Variants in MOB1A observed in about 807,000 individuals in gnomAD.
MOB1A encodes the protein MOB kinase activator 1A.
Under a neutral mutation model 25.1 loss-of-function variants are expected in MOB1A, and 10 were observed. The ratio of observed to expected loss-of-function variants is 0.40; its 90% CI spans 0.25 to 0.68. The LOEUF is 0.68. MOB1A is among the 30% of genes least tolerant of loss of function. The probability of loss-of-function intolerance (pLI) is 0.40; values close to 1 mark genes in which losing one functional copy is unlikely to be tolerated. For synonymous variants in MOB1A, 81 were observed against 79.5 expected, an observed-to-expected ratio of 1.02 and a Z score of -0.10; for missense variants, 177 against 256.3, an observed-to-expected ratio of 0.69 and a Z score of 2.11.
chr2:74,156,000 G>A lies in MOB1A; in HGVS notation c.*568C>T, dbSNP rs757700738. On this transcript the variant is annotated 3_prime_UTR_variant, in exon 6 of 6. Coordinates refer to ENST00000396049, the MANE Select transcript of MOB1A (RefSeq NM_018221.5). ...AATCATGAATTTTGAAAAAATAGAC[G>A]TATCTTATCTATAAAAACACTACCA... 3 of 152,472 alleles carry A rather than the reference G, an allele frequency of 2.0e-5. No individual in the cohort carries two copies. The highest frequency in any genetic ancestry group is 7.2e-5 in the African/African-American group (3 of 41,426). 9.4% of individuals were successfully genotyped at this position (152,472 alleles called of 1,614,324 possible).
Position 74,165,230 on chromosome 2 carries a change from GAA to G in MOB1A, c.395_396del (p.Phe132SerfsTer3). On this transcript the variant is annotated frameshift_variant, in exon 4 of 6. Coordinates refer to ENST00000396049, the MANE Select transcript of MOB1A (RefSeq NM_018221.5). LOFTEE classifies it high-confidence loss of function. Reference protein sequence around the residue: ...VQDQLDDETLFPSKIGVPFPK... With the variant: ...VQDQLDDETLXPSKIGVPFPK... ...AATGTTAACTCACCAATCTTAGAAG[GAA>G]AAAGAGTTTCATCATCAAGCTGATC... 6.5e-7 allele frequency: 1 copy of G among 1,541,334 alleles called. No individual in the cohort carries two copies. Among genetic ancestry groups the G allele is most frequent in the Non-Finnish European group, 8.8e-7 (1 of 1,141,692 alleles).
At chr2:74,177,210 G>A (rs966955875) in intron 1 of MOB1A, among the ~76,000 whole-genome samples, 1 of 152,096 alleles carries the variant, frequency 6.6e-6, no homozygotes, top group Non-Finnish European at 1.5e-5. Context: ...CTACTCGGGA[G>A]TGTGAGGCAG....
chr2:74,156,756 A>C, intron 5 of MOB1A, 111 bp from the exon 6 acceptor site: 2 of 724,282 alleles, frequency 2.8e-6, no homozygotes, highest in South Asian at 3.4e-5. Context: ...CAAAAGAATG[A>C]TGAAATAACC....
At chr2:74,156,901 CA>C (rs759264986) in intron 5 of MOB1A, among the ~76,000 whole-genome samples, 10 of 151,906 alleles carry the variant, frequency 6.6e-5, no homozygotes, top group Non-Finnish European at 1.5e-4. Context: ...TCCCAAATCC[CA>C]AAGTGCTAGG....
At chr2:74,176,334 A>G (rs1334583330) in intron 1 of MOB1A, among the ~76,000 whole-genome samples, 5 of 150,504 alleles carry the variant, frequency 3.3e-5, no homozygotes, top group East Asian at 1.9e-4. Flanking sequence ...ACTAAAAATC[A>G]TATCTGAAAA....
At chr2:74,178,568 G>T in intron 1 of MOB1A, 93 bp downstream of exon 1, 1 of 930,216 alleles carries the variant, frequency 1.1e-6, no homozygotes, top group South Asian at 3.4e-5. Context: ...CCCCCGCCTC[G>T]GCCCCCAGGC....
chr2:74,169,001 CAG>C lies in MOB1A; in HGVS notation c.182-1896_182-1895del, dbSNP rs202117079. ...CTCAAGAGGGCACAATGGTGTTTTC[CAG>C]AGGCTCCATGATGTGTAATATCACA... On this transcript the variant is annotated intron_variant, in intron 2 of 5. Transcript: ENST00000396049. 6.2e-3 allele frequency among the ~76,000 whole-genome samples: 941 copies of C among 152,258 alleles called. 9 individuals carry two copies. Among genetic ancestry groups the C allele is most frequent in the African/African-American group, 0.022 (894 of 41,550 alleles).
chr2:74,160,674 T>C (rs1481709136), intron 4 of MOB1A, among the ~76,000 whole-genome samples: 1 of 151,518 alleles, frequency 6.6e-6, no homozygotes, highest in Non-Finnish European at 1.5e-5. Flanking sequence ...CACTCCAGCC[T>C]GGGTGACAGA....
chr2:74,159,882 T>C (rs1167133390), intron 4 of MOB1A, among the ~76,000 whole-genome samples: 1 of 136,104 alleles, frequency 7.3e-6, no homozygotes, highest in Admixed American at 8.1e-5. Flanking sequence ...AGTAGCATGA[T>C]CATGGTTCAT....
chr2:74,154,663 T>C lies in MOB1A; in HGVS notation c.*1905A>G, dbSNP rs1692753419. ...CTAGCTGAGAAACTAGTTTCATCAC[T>C]TGTGGACTTAAAAAAGTAAAGCTAA... On this transcript the variant is annotated 3_prime_UTR_variant, in exon 6 of 6. Transcript: ENST00000396049. 1 of 152,220 alleles carries C rather than the reference T, an allele frequency of 6.6e-6. No homozygotes were observed. The highest frequency in any genetic ancestry group is 6.5e-5 in the Admixed American group (1 of 15,276). The allele number at this position is 152,220 out of a possible 1,614,324, so 9.4% of individuals were successfully genotyped here. A position where few individuals can be genotyped will look rare whatever the true frequency, so the allele number is the denominator to read the frequency against.
chr2:74,173,376 G>GTT (rs35382378), intron 1 of MOB1A, among the ~76,000 whole-genome samples: 5,964 of 93,162 alleles, frequency 0.064, 329 homozygotes, highest in African/African-American at 0.098. Context: ...CTCAATTTCG[G>GTT]TTTTTTTTTT....
At chr2:74,162,598 G>A (rs537541292) in intron 4 of MOB1A, among the ~76,000 whole-genome samples, 2 of 152,176 alleles carry the variant, frequency 1.3e-5, no homozygotes, top group East Asian at 3.9e-4. Flanking sequence ...TTTCCAAGCT[G>A]AATTTAACAG....
At chr2:74,174,743 A>C (rs1355447433) in intron 1 of MOB1A, among the ~76,000 whole-genome samples, 2 of 152,218 alleles carry the variant, frequency 1.3e-5, no homozygotes, top group African/African-American at 4.8e-5. Context: ...TAACCAAATA[A>C]AAGTACTTGT....
chr2:74,160,064 G>A (rs1442920280), intron 4 of MOB1A, among the ~76,000 whole-genome samples: 1 of 152,150 alleles, frequency 6.6e-6, no homozygotes. Flanking sequence ...TGATCTGCCT[G>A]CCTTGGCTTC....
Position 74,169,011 on chromosome 2 carries a change from A to T in MOB1A, c.182-1904T>A, listed in dbSNP as rs999862894. Among the ~76,000 whole-genome samples the T allele has an allele frequency of 1.1e-4, 16 of 152,360 alleles. 1 individual carries two copies. Among genetic ancestry groups the T allele is most frequent in the African/African-American group, 3.6e-4 (15 of 41,592 alleles). On this transcript the variant is annotated intron_variant, in intron 2 of 5. Coordinates refer to ENST00000396049, the MANE Select transcript of MOB1A (RefSeq NM_018221.5). ...CACAATGGTGTTTTCCAGAGGCTCC[A>T]TGATGTGTAATATCACAACAGACTG...
chr2:74,173,948 CAA>C (rs773447145), intron 1 of MOB1A, among the ~76,000 whole-genome samples: 6 of 56,216 alleles, frequency 1.1e-4, no homozygotes, highest in African/African-American at 3.1e-4. Flanking sequence ...AACTCCGTCT[CAA>C]AAAAAAAAAA....
At chr2:74,157,179 G>A (rs1345247371) in intron 5 of MOB1A, among the ~76,000 whole-genome samples, 8 of 150,396 alleles carry the variant, frequency 5.3e-5, no homozygotes, top group Non-Finnish European at 1.5e-5. Context: ...GAAAGGGCTG[G>A]CTGAAGGTTG....
chr2:74,158,544 C>A (rs1202355832), intron 5 of MOB1A, among the ~76,000 whole-genome samples: 3 of 152,004 alleles, frequency 2.0e-5, no homozygotes, highest in Non-Finnish European at 4.4e-5. Context: ...AATTCCAGCA[C>A]TTTGGGAGGC....
In MOB1A at chr2:74,152,776, TACAC is replaced by T. The variant is rs1692692523; in HGVS notation, c.*3788_*3791del. On this transcript the variant is annotated 3_prime_UTR_variant, in exon 6 of 6. Coordinates refer to ENST00000396049, the MANE Select transcript of MOB1A (RefSeq NM_018221.5). The stretch of plus-strand genomic sequence containing the variant: ...TTTTAGATGGTAACCAAAACTAACT[TACAC>T]AAACTATTTTTGATGTAGAATAGAA... 6.6e-6 allele frequency: 1 copy of T among 152,224 alleles called. No individual in the cohort carries two copies. Among genetic ancestry groups the T allele is most frequent in the South Asian group, 2.1e-4 (1 of 4,834 alleles). 9.4% of individuals were successfully genotyped at this position (152,224 alleles called of 1,614,324 possible).
Sources: gnomAD v4.1 joint callset for allele counts (sites outside exome capture counted in the v4.1 genomes callset) on GRCh38, gnomAD v4.1.1 for gene constraint, MANE v1.5 for transcripts, NCBI Gene and HGNC (gene_info 2026-07-23, HGNC 2026-07-21) for gene names.